Variants in NALF1 observed in about 807,000 individuals in gnomAD.
The protein encoded by NALF1 is NALCN channel auxiliary factor 1.
NALF1 carries 3 observed loss-of-function variants against 48.4 expected under a neutral mutation model. The ratio of observed to expected loss-of-function variants is 0.06; its 90% confidence interval spans 0.03 to 0.16. NALF1 has a LOEUF of 0.16. Among genes scored for constraint, NALF1 ranks in the 10% least tolerant of loss-of-function variants. The pLI, the probability that NALF1 is intolerant of heterozygous loss-of-function variation, is 1.00. For synonymous variants in NALF1, 262 were observed against 245.7 expected (o/e 1.07, Z -0.62); for missense variants, 526 against 571.5 (o/e 0.92, Z 0.81).
chr13:107,251,088 C>A (rs1243362775), intron 1 of NALF1, among the ~76,000 whole-genome samples: 1 of 152,146 alleles, frequency 6.6e-6, no homozygotes, highest in African/African-American at 2.4e-5. Context: ...AATATACCTG[C>A]ATATGTTAAT....
At chr13:107,828,037 C>T (rs1356703904) in intron 1 of NALF1, among the ~76,000 whole-genome samples, 2 of 152,138 alleles carry the variant, frequency 1.3e-5, no homozygotes, top group Non-Finnish European at 2.9e-5. Flanking sequence ...GCTGGCTGTG[C>T]CAATGTATAC....
intron 1 of NALF1, among the ~76,000 whole-genome samples, chr13:107,520,505 C>T (rs577326635): frequency 1.3e-5 from 2 of 152,300 alleles, no homozygotes; most frequent in African/African-American, 4.8e-5. Context: ...AATTGGAAAG[C>T]AGGGAAACAT....
intron 1 of NALF1, among the ~76,000 whole-genome samples, chr13:107,367,812 T>A (rs1481730020): frequency 6.6e-6 from 1 of 152,178 alleles, no homozygotes; most frequent in Non-Finnish European, 1.5e-5. Flanking sequence ...TAAAAATTGC[T>A]CAAATCAGGA....
chr13:107,206,403 T>C (rs1879644280), intron 2 of NALF1, among the ~76,000 whole-genome samples: 1 of 152,180 alleles, frequency 6.6e-6, no homozygotes, highest in Non-Finnish European at 1.5e-5. Flanking sequence ...AGATATTTCA[T>C]TTTTTAAAGT....
At chr13:107,257,196 AC>A (rs1880833905) in intron 1 of NALF1, among the ~76,000 whole-genome samples, 1 of 152,002 alleles carries the variant, frequency 6.6e-6, no homozygotes, top group South Asian at 2.1e-4. Context: ...TGAGCCAGTC[AC>A]CTCCCTCCCT....
At chr13:107,785,983 C>T (rs1878059793) in intron 1 of NALF1, among the ~76,000 whole-genome samples, 1 of 152,072 alleles carries the variant, frequency 6.6e-6, no homozygotes, top group African/African-American at 2.4e-5. Flanking sequence ...AGAGTGTTCC[C>T]ACAGCCAAGA....
At chr13:107,286,566 GAC>G (rs1293471642) in intron 1 of NALF1, among the ~76,000 whole-genome samples, 1 of 135,406 alleles carries the variant, frequency 7.4e-6, no homozygotes, top group African/African-American at 2.7e-5. Flanking sequence ...GAGGCTGGGT[GAC>G]AGAGTAAGAC....
chr13:107,531,017 CAT>C (rs3072957), intron 1 of NALF1, among the ~76,000 whole-genome samples: 46 of 150,592 alleles, frequency 3.1e-4, no homozygotes, highest in East Asian at 1.6e-3. Context: ...TTGTCATTCA[CAT>C]ATATATATAT....
chr13:107,689,163 C>A (rs926346493), intron 1 of NALF1, among the ~76,000 whole-genome samples: 1 of 152,192 alleles, frequency 6.6e-6, no homozygotes, highest in African/African-American at 2.4e-5. Flanking sequence ...GGTGCAAGAA[C>A]CAGATCTGCG....
chr13:107,478,216 T>G (rs1885202812), intron 1 of NALF1, among the ~76,000 whole-genome samples: 1 of 152,148 alleles, frequency 6.6e-6, no homozygotes, highest in Admixed American at 6.6e-5. Flanking sequence ...CAGTCAACAC[T>G]CATTTTCTCA....
intron 1 of NALF1, among the ~76,000 whole-genome samples, chr13:107,485,222 C>T (rs1885311223): frequency 6.6e-6 from 1 of 152,120 alleles, no homozygotes; most frequent in Non-Finnish European, 1.5e-5. Context: ...AAGACAGTGC[C>T]TTTCACAGTT....
At chr13:107,337,104 C>T (rs1882575761) in intron 1 of NALF1, among the ~76,000 whole-genome samples, 2 of 145,810 alleles carry the variant, frequency 1.4e-5, no homozygotes, top group Admixed American at 6.8e-5. Context: ...ACTCTTTAGG[C>T]CACATCACGG....
intron 1 of NALF1, among the ~76,000 whole-genome samples, chr13:107,763,883 T>C (rs1877344007): frequency 6.6e-6 from 1 of 152,150 alleles, no homozygotes; most frequent in East Asian, 1.9e-4. Flanking sequence ...TCCTATGCTG[T>C]GTCACCCTAT....
chr13:107,247,942 C>T lies in NALF1; in HGVS notation c.916-37187G>A, dbSNP rs79319096. Among the ~76,000 whole-genome samples, 615 of 152,152 alleles carry T rather than the reference C, an allele frequency of 4.0e-3. 4 individuals are homozygous for T. The highest frequency in any genetic ancestry group is 0.014 in the African/African-American group (575 of 41,512). On this transcript the variant is annotated intron_variant, in intron 1 of 2. Transcript: ENST00000375915. ...TCTGGGGCATTTTGCTCAAGTTTAG[C>T]GCATTATGGTGGCTTAGCAAAGACG...
At chr13:107,254,755 A>G (rs546615449) in intron 1 of NALF1, among the ~76,000 whole-genome samples, 2 of 152,332 alleles carry the variant, frequency 1.3e-5, no homozygotes, top group Admixed American at 1.3e-4. Flanking sequence ...CAACATCCCC[A>G]GTGCAATTAG....
In NALF1 at chr13:107,659,141, A is replaced by ACACACACACACACG. The variant is rs1172547643; in HGVS notation, c.915+206540_915+206541insCGTGTGTGTGTGTG. On this transcript the variant is annotated intron_variant, in intron 1 of 2. Transcript: ENST00000375915. Reference sequence around the variant, plus strand: ...CACACACACACACACACACACACACACACGCACTCAAACTTGTCTTCCTAA... The same window carrying ACACACACACACACG: ...CACACACACACACACACACACACACACACACACACACACGCACGCACTCAAACTTGTCTTCCTAA... Among the ~76,000 whole-genome samples, 7 of 151,716 alleles carry ACACACACACACACG rather than the reference A, an allele frequency of 4.6e-5. No homozygotes were observed. In the East Asian group the frequency reaches 1.4e-3, roughly 29 times the overall value.
intron 1 of NALF1, among the ~76,000 whole-genome samples, chr13:107,411,302 T>TG (rs1883985965): frequency 3.4e-5 from 1 of 29,060 alleles, no homozygotes; most frequent in African/African-American, 1.8e-4. Context: ...TAGAATCTTG[T>TG]TTTTTTTTTT....
At chr13:107,200,064 C>T (rs917513837) in intron 2 of NALF1, among the ~76,000 whole-genome samples, 2 of 152,146 alleles carry the variant, frequency 1.3e-5, no homozygotes, top group South Asian at 2.1e-4. Context: ...TGTGGACACA[C>T]CAGAGGACAT....
intron 1 of NALF1, among the ~76,000 whole-genome samples, chr13:107,413,609 T>G (rs1288339899): frequency 1.3e-5 from 2 of 152,120 alleles, no homozygotes. Context: ...TTTTGTGAAT[T>G]AACCCTTCAT....
Sources: gnomAD v4.1 joint callset for allele counts (sites outside exome capture counted in the v4.1 genomes callset) on GRCh38, gnomAD v4.1.1 for gene constraint, MANE v1.5 for transcripts, NCBI Gene and HGNC (gene_info 2026-07-23, HGNC 2026-07-21) for gene names.